Variants in PCDH11Y observed in about 807,000 individuals in gnomAD.
The protein encoded by PCDH11Y is protocadherin-11 Y-linked.
For missense variants in PCDH11Y, 12 were observed against 224.8 expected, an observed-to-expected ratio of 0.05 and a Z score of 6.05; for synonymous variants, 9 against 83.6, an observed-to-expected ratio of 0.11 and a Z score of 4.87.
At chrY:5,710,957 C>T in intron 4 of PCDH11Y, among the ~76,000 whole-genome samples, 1 of 32,296 alleles carries the variant, frequency 3.1e-5, no homozygotes, top group African/African-American at 1.2e-4. Context: ...ATGGAGATAT[C>T]TCCTCTACTC....
chrY:5,068,689 C>T, intron 1 of PCDH11Y, among the ~76,000 whole-genome samples: 1 of 31,448 alleles, frequency 3.2e-5, no homozygotes, highest in Admixed American at 3.0e-4. Context: ...ATCAATTCCC[C>T]TGCCTCAGCC....
intron 3 of PCDH11Y, among the ~76,000 whole-genome samples, chrY:5,561,769 A>C (rs371763892): frequency 9.6e-5 from 2 of 20,757 alleles, no homozygotes; most frequent in African/African-American, 3.9e-4. Flanking sequence ...CGTTATTAGC[A>C]GTGTGAAAAT....
At chrY:5,547,273 CTATCTATG>C (rs2053413999) in intron 3 of PCDH11Y, among the ~76,000 whole-genome samples, 323 of 19,224 alleles carry the variant, frequency 0.017, no homozygotes, top group Middle Eastern at 0.071. Flanking sequence ...ATCTATCTAT[CTATCTATG>C]TATCTATCTT....
At chrY:5,033,460 G>A in intron 3 of PCDH11Y, among the ~76,000 whole-genome samples, 1 of 12,588 alleles carries the variant, frequency 7.9e-5, no homozygotes, top group Non-Finnish European at 1.3e-4. Flanking sequence ...TTGCTTGGGA[G>A]GTTTTGATTT....
chrY:5,237,305 G>A, intron 2 of PCDH11Y, among the ~76,000 whole-genome samples: 1 of 33,133 alleles, frequency 3.0e-5, no homozygotes, highest in Admixed American at 2.8e-4. Context: ...GATTTTGTGG[G>A]TTTGATTTCA....
intron 1 of PCDH11Y, among the ~76,000 whole-genome samples, chrY:5,075,404 T>TG: frequency 6.0e-5 from 2 of 33,581 alleles, no homozygotes; most frequent in African/African-American, 2.3e-4. Context: ...CTCAAGCATT[T>TG]ATCCTTTGTG....
At chrY:5,595,349 C>T in intron 4 of PCDH11Y, among the ~76,000 whole-genome samples, 1 of 32,554 alleles carries the variant, frequency 3.1e-5, no homozygotes, top group South Asian at 6.8e-4. Flanking sequence ...ATATCAATAG[C>T]AAGTATCACA....
intron 4 of PCDH11Y, among the ~76,000 whole-genome samples, chrY:5,665,028 G>A: frequency 3.0e-5 from 1 of 32,893 alleles, no homozygotes; most frequent in Non-Finnish European, 7.5e-5. Flanking sequence ...TTAGTTTAAA[G>A]GTGTGATTAC....
At chrY:5,113,797 GGT>G (rs762972288) in intron 2 of PCDH11Y, among the ~76,000 whole-genome samples, 894 of 19,030 alleles carry the variant, frequency 0.047, no homozygotes, top group Admixed American at 0.084. Context: ...TAATTAGAGG[GGT>G]GTGTGTGTGT....
chrY:5,724,063 A>G, intron 4 of PCDH11Y, among the ~76,000 whole-genome samples: 2 of 34,335 alleles, frequency 5.8e-5, no homozygotes, highest in Non-Finnish European at 1.5e-4. Context: ...ATAATGGAAC[A>G]ACTAGGCAGT....
chrY:5,511,278 G>A, intron 3 of PCDH11Y, among the ~76,000 whole-genome samples: 2 of 32,229 alleles, frequency 6.2e-5, no homozygotes, highest in Non-Finnish European at 1.5e-4. Flanking sequence ...TTTTATTCAA[G>A]TAGAAAACTG....
intron 3 of PCDH11Y, among the ~76,000 whole-genome samples, chrY:5,043,594 C>T (rs1602845374): frequency 3.0e-5 from 1 of 33,075 alleles, no homozygotes; most frequent in Non-Finnish European, 7.5e-5. Flanking sequence ...TGTCTCTGCC[C>T]GGCTTTGGTA....
chrY:5,213,637 A>G, intron 2 of PCDH11Y, among the ~76,000 whole-genome samples: 2 of 32,194 alleles, frequency 6.2e-5, no homozygotes, highest in Non-Finnish European at 1.5e-4. Flanking sequence ...AGTGGGCCTG[A>G]TGAGAACCTG....
At chrY:5,190,637 C>G (rs61463618) in intron 2 of PCDH11Y, among the ~76,000 whole-genome samples, 4,928 of 32,402 alleles carry the variant, frequency 0.15, no homozygotes, top group African/African-American at 0.59. Flanking sequence ...GATGGGAGCT[C>G]AGTCTTAAAT....
intron 4 of PCDH11Y, among the ~76,000 whole-genome samples, chrY:5,641,545 T>C (rs1339731951): frequency 6.0e-5 from 2 of 33,366 alleles, no homozygotes; most frequent in Non-Finnish European, 1.5e-4. Context: ...AAATGGCTGG[T>C]CAGTGGAGTA....
At chrY:5,459,735 TG>T (rs2053301565) in intron 2 of PCDH11Y, among the ~76,000 whole-genome samples, 1 of 33,375 alleles carries the variant, frequency 3.0e-5, no homozygotes, top group African/African-American at 1.2e-4. Context: ...AATTTGTATT[TG>T]TTTTAATAAC....
intron 4 of PCDH11Y, among the ~76,000 whole-genome samples, chrY:5,592,424 A>T: frequency 6.8e-5 from 2 of 29,335 alleles, no homozygotes; most frequent in Non-Finnish European, 1.6e-4. Context: ...TGCATGTGAG[A>T]TGTGTCTCTC....
chrY:5,308,973 G>A, intron 2 of PCDH11Y, among the ~76,000 whole-genome samples: 1 of 31,212 alleles, frequency 3.2e-5, no homozygotes, highest in African/African-American at 1.3e-4. Context: ...CCTGCTACTA[G>A]GGAGACTGAG....
chrY:5,590,905 C>T, intron 4 of PCDH11Y, among the ~76,000 whole-genome samples: 2 of 34,920 alleles, frequency 5.7e-5, no homozygotes, highest in African/African-American at 2.2e-4. Context: ...CCCCAAGGCA[C>T]TAGAAGTATT....
Sources: gnomAD v4.1 joint callset for allele counts (sites outside exome capture counted in the v4.1 genomes callset) on GRCh38, gnomAD v4.1.1 for gene constraint, MANE v1.5 for transcripts, NCBI Gene and HGNC (gene_info 2026-07-23, HGNC 2026-07-21) for gene names.